Variants in EPHX4 observed in about 807,000 individuals in gnomAD.
EPHX4 encodes abhydrolase domain containing 7.
A neutral mutation model predicts 44.9 loss-of-function variants in EPHX4; 31 were observed. The observed-to-expected ratio is 0.69, with a 90% CI of 0.52 to 0.93. The LOEUF is 0.93. Ranked by LOEUF, EPHX4 falls within the 40% of genes least tolerant of loss-of-function variation. The pLI is 0.00. For synonymous variants in EPHX4, 151 were observed against 159.7 expected (o/e 0.95, Z 0.41); for missense variants, 373 against 438.1 (o/e 0.85, Z 1.33).
intron 1 of EPHX4, among the ~76,000 whole-genome samples, chr1:92,030,829 G>T (rs1424565332): frequency 6.6e-6 from 1 of 152,146 alleles, no homozygotes; most frequent in African/African-American, 2.4e-5. Context: ...GACTTAGGTT[G>T]CATGAAACAA....
At chr1:92,030,380 C>T in intron 1 of EPHX4, 70 bp downstream of exon 1, 1 of 1,352,566 alleles carries the variant, frequency 7.4e-7, no homozygotes, top group Non-Finnish European at 9.8e-7. Context: ...GGGCTCCGGG[C>T]TTCTCCTTCC....
At chr1:92,043,786 G>C (rs1187274379) in intron 3 of EPHX4, 2 of 152,272 alleles carry the variant, frequency 1.3e-5, no homozygotes, top group African/African-American at 4.8e-5. Flanking sequence ...CTCTCTGTGA[G>C]TTGGGCTGGA....
intron 6 of EPHX4, among the ~76,000 whole-genome samples, chr1:92,062,584 C>CAAAAAAAAAAAAAAAAAAAAAAAAAAA (rs1167530513): frequency 5.0e-5 from 1 of 20,090 alleles, no homozygotes; most frequent in Non-Finnish European, 1.3e-4. Context: ...AACTCCATCT[C>CAAAAAAAAAAAAAAAAAAAAAAAAAAA]AAAAAAAAAA....
intron 2 of EPHX4, among the ~76,000 whole-genome samples, chr1:92,034,136 CA>C (rs34520279): frequency 1.3e-3 from 152 of 120,626 alleles, no homozygotes; most frequent in Middle Eastern, 4.5e-3. Flanking sequence ...ACTAAAAATA[CA>C]AAAAAAAAAA....
At chr1:92,046,661 G>A (rs11807276) in intron 4 of EPHX4, among the ~76,000 whole-genome samples, 28,463 of 151,894 alleles carry the variant, frequency 0.19, 2,998 homozygotes, top group East Asian at 0.35. Flanking sequence ...ACAGGGTTTC[G>A]CCGTGCTGGT....
At chr1:92,037,723 A>G (rs184601965) in intron 2 of EPHX4, among the ~76,000 whole-genome samples, 304 of 152,358 alleles carry the variant, frequency 2.0e-3, no homozygotes, top group African/African-American at 7.0e-3. Context: ...TGGTAAAACC[A>G]GGAGCCCTCC....
chr1:92,032,024 A>C (rs914845976), intron 1 of EPHX4, among the ~76,000 whole-genome samples: 1 of 152,230 alleles, frequency 6.6e-6, no homozygotes. Context: ...CTTGACGGGC[A>C]AGCTGAGAAA....
chr1:92,050,243 C>A, intron 4 of EPHX4, 74 bp from the exon 5 acceptor site: 1 of 921,136 alleles, frequency 1.1e-6, no homozygotes, highest in Non-Finnish European at 1.7e-6. Flanking sequence ...TAAAATTGTC[C>A]TAAAAAGAAG....
At position 92,030,236 on chromosome 1, in the gene EPHX4, C is replaced by A. The variant is rs1688337692; in HGVS notation, c.157C>A (p.Arg53=). ...LGKGPAQTFR[R]PAREHPPACL... is the part of the protein sequence containing the mutation. ...CAAGGGGCCGGCGCAGACCTTCCGG[C>A]GGCCCGCCCGGGAGCACCCTCCCGC... The change falls in exon 1 of 7, where the codon CGG becomes AGG. Residue 53 remains arginine (R), a synonymous_variant. Transcript: ENST00000370383. The A allele has an allele frequency of 1.9e-6, 3 of 1,602,892 alleles. No individual in the cohort carries two copies. The South Asian group carries it at 3.4e-5, about 18-fold the overall frequency.
At chr1:92,057,605 G>GT (rs558423394) in intron 6 of EPHX4, among the ~76,000 whole-genome samples, 8,904 of 143,968 alleles carry the variant, frequency 0.062, 676 homozygotes, top group African/African-American at 0.18. Context: ...AGGTAAGTTT[G>GT]TTTTTTTTTT....
chr1:92,056,440 C>T (rs1647374373), intron 6 of EPHX4, among the ~76,000 whole-genome samples: 1 of 151,888 alleles, frequency 6.6e-6, no homozygotes, highest in South Asian at 2.1e-4. Flanking sequence ...AATAATAAAG[C>T]AAAATGTGAC....
In EPHX4 at chr1:92,042,927, A is replaced by C; in HGVS notation, c.422A>C (p.Asn141Thr). 4 of 1,613,188 alleles carry C rather than the reference A, an allele frequency of 2.5e-6. No homozygotes were observed. The highest frequency in any genetic ancestry group is 3.4e-6 in the Non-Finnish European group (4 of 1,179,384). The change falls in exon 3 of 7, where the codon AAT (asparagine) becomes ACT (threonine). Residue 141 changes from asparagine to threonine, a missense_variant. Physicochemically the swap from Asn to Thr is moderately conservative, Grantham distance 65. Transcript: ENST00000370383. The stretch of plus-strand genomic sequence containing the variant: ...ACAGATGCTCCCATTCATCGACAGA[A>C]TTATAAATTGGATTGTCTAATTACA... ...GETDAPIHRQNYKLDCLITDI... is the reference protein window; with the variant it reads ...GETDAPIHRQTYKLDCLITDI...
chr1:92,055,005 A>AT (rs1355822685), intron 6 of EPHX4, among the ~76,000 whole-genome samples: 1 of 152,170 alleles, frequency 6.6e-6, no homozygotes, highest in Non-Finnish European at 1.5e-5. Context: ...TATGCTAATA[A>AT]TTTTTTGTGA....
chr1:92,059,668 G>A (rs1016741951), intron 6 of EPHX4, among the ~76,000 whole-genome samples: 1 of 151,970 alleles, frequency 6.6e-6, no homozygotes, highest in East Asian at 1.9e-4. Context: ...CAAAATTATG[G>A]TCTCACAAAT....
At chr1:92,049,106 C>T (rs1688622347) in intron 4 of EPHX4, among the ~76,000 whole-genome samples, 1 of 152,046 alleles carries the variant, frequency 6.6e-6, no homozygotes, top group South Asian at 2.1e-4. Context: ...AAAATAAAAT[C>T]TTATTATTCT....
chr1:92,056,835 C>G (rs1647381177), intron 6 of EPHX4, among the ~76,000 whole-genome samples: 1 of 151,894 alleles, frequency 6.6e-6, no homozygotes, highest in African/African-American at 2.4e-5. Flanking sequence ...GACTACAAAG[C>G]AAATCTTAAC....
intron 5 of EPHX4, 51 bp from the exon 6 acceptor site, chr1:92,052,459 T>C: frequency 6.6e-7 from 1 of 1,515,254 alleles, no homozygotes; most frequent in East Asian, 2.5e-5. Context: ...AGACTTAGCT[T>C]ATTATTAGAT....
At chr1:92,048,541 G>A (rs1207057320) in intron 4 of EPHX4, among the ~76,000 whole-genome samples, 1 of 152,036 alleles carries the variant, frequency 6.6e-6, no homozygotes, top group East Asian at 1.9e-4. Context: ...AATAAATCTT[G>A]TTAAATTATG....
chr1:92,056,288 T>C (rs1320894352), intron 6 of EPHX4, among the ~76,000 whole-genome samples: 1 of 152,190 alleles, frequency 6.6e-6, no homozygotes, highest in Admixed American at 6.5e-5. Flanking sequence ...CCTCATTTAT[T>C]ACCCTAAGCC....
Sources: allele counts gnomAD v4.1 joint callset (sites outside exome capture counted in the v4.1 genomes callset), GRCh38; gene constraint gnomAD v4.1.1; transcripts MANE v1.5; gene names NCBI Gene and HGNC (gene_info 2026-07-23, HGNC 2026-07-21).